Variants in FGD4 observed in about 807,000 individuals in gnomAD.
The protein encoded by FGD4 is FYVE, RhoGEF and PH domain-containing protein 4.
A neutral mutation model predicts 102.0 loss-of-function variants in FGD4; 42 were observed. The ratio of observed to expected loss-of-function variants is 0.41; its 90% CI spans 0.32 to 0.53. The LOEUF is 0.53. Ranked by LOEUF, FGD4 falls within the 20% of genes least tolerant of loss-of-function variation. The pLI, the probability that FGD4 is intolerant of heterozygous loss-of-function variation, is 0.21. For synonymous variants in FGD4, 380 were observed against 375.7 expected (o/e 1.01, Z -0.13); for missense variants, 902 against 1,078.2 (o/e 0.84, Z 2.29).
rs1294736903 is a variant in FGD4, at chr12:32,399,998, G to C, written c.166+39G>C. On this transcript the variant is annotated intron_variant, in intron 1 of 16. Coordinates refer to ENST00000534526, the MANE Select transcript of FGD4 (RefSeq NM_001370298.3). ...GGCGCGGGGGAAGGGTGGCCCCGGC[G>C]CGTAGGTGCGGGTGAGGGGCGCTCC... The C allele has an allele frequency of 6.3e-6, 9 of 1,425,028 alleles. No homozygotes were observed. In the African/African-American group the frequency reaches 1.2e-4, roughly 19 times the overall value. The allele number at this position is 1,425,028 out of a possible 1,614,324, so 88.3% of individuals were successfully genotyped here.
At position 32,576,435 on chromosome 12, in the gene FGD4, CT is replaced by C; in HGVS notation, c.492del (p.Phe164LeufsTer13). Reference protein sequence around the residue: ...PSKVSDLISRFEGGSSLSNYS... With the variant: ...PSKVSDLISRXEGGSSLSNYS... The stretch of plus-strand genomic sequence containing the variant: ...GTAAGGTATCAGATCTCATCAGTCG[CT>C]TTGAAGGAGGCAGGTAAGAGCTAAT... On this transcript the variant is annotated frameshift_variant, in exon 3 of 17. Transcript: ENST00000534526. LOFTEE classifies it high-confidence loss of function. The C allele has an allele frequency of 6.2e-7, 1 of 1,613,996 alleles. No homozygotes were observed. The highest frequency in any genetic ancestry group is 1.1e-5 in the South Asian group (1 of 91,080).
In FGD4 at chr12:32,474,709, A is replaced by G. The variant is rs187407897; in HGVS notation, c.166+74750A>G. On this transcript the variant is annotated intron_variant, in intron 1 of 16. Coordinates refer to ENST00000534526, the MANE Select transcript of FGD4 (RefSeq NM_001370298.3). ...TTGATTGCTTGAATCCAGGAGTTTG[A>G]GAATAGCCTGGACAACATGGCGAAA... Among the ~76,000 whole-genome samples, 3 of 152,204 alleles carry G rather than the reference A, an allele frequency of 2.0e-5. No homozygotes were observed. In the East Asian group the frequency reaches 5.8e-4, roughly 29 times the overall value.
intron 1 of FGD4, among the ~76,000 whole-genome samples, chr12:32,467,121 C>G (rs536304665): frequency 6.6e-6 from 1 of 152,112 alleles, no homozygotes; most frequent in African/African-American, 2.4e-5. Context: ...GAAACAGTTA[C>G]AAATGCAAAG....
chr12:32,553,824 G>C (rs1195757532), intron 1 of FGD4, among the ~76,000 whole-genome samples: 1 of 152,192 alleles, frequency 6.6e-6, no homozygotes, highest in Non-Finnish European at 1.5e-5. Context: ...ACAGAAACAT[G>C]CTGGGCATGG....
chr12:32,617,684 T>C (rs1324798031), intron 10 of FGD4, among the ~76,000 whole-genome samples: 1 of 152,238 alleles, frequency 6.6e-6, no homozygotes, highest in Middle Eastern at 3.2e-3. Flanking sequence ...GTCAATGTTC[T>C]TCATGCCATA....
chr12:32,612,010 C>T (rs1241933940), intron 10 of FGD4, among the ~76,000 whole-genome samples: 1 of 152,254 alleles, frequency 6.6e-6, no homozygotes, highest in Non-Finnish European at 1.5e-5. Context: ...GGAGCCAAGC[C>T]TAGGTGCTGT....
rs150983395 is a variant in FGD4, at chr12:32,525,539, A to G, written c.167-38598A>G. On this transcript the variant is annotated intron_variant, in intron 1 of 16. Coordinates refer to ENST00000534526, the MANE Select transcript of FGD4 (RefSeq NM_001370298.3). Reference sequence around the variant, plus strand: ...GTCCTCAGAGCCCTCGCTTGCTCTCAGCACCTCCCCTGCCTGGGCTCCCAC... The same window carrying G: ...GTCCTCAGAGCCCTCGCTTGCTCTCGGCACCTCCCCTGCCTGGGCTCCCAC... Among the ~76,000 whole-genome samples the G allele has an allele frequency of 7.4e-3, 1,124 of 152,362 alleles. 13 individuals are homozygous for G. The highest frequency in any genetic ancestry group is 0.025 in the African/African-American group (1,038 of 41,590).
At position 32,422,095 on chromosome 12, in the gene FGD4, A is replaced by C. The variant is rs10844201; in HGVS notation, c.166+22136A>C. ...GGAGGCTGAGCTTGCAGTGAGCCGAAATCATGCCACTACACTCCAGTGTGG... is the reference window on the plus strand; with the variant it reads ...GGAGGCTGAGCTTGCAGTGAGCCGACATCATGCCACTACACTCCAGTGTGG... On this transcript the variant is annotated intron_variant, in intron 1 of 16. Coordinates refer to ENST00000534526, the MANE Select transcript of FGD4 (RefSeq NM_001370298.3). Among the ~76,000 whole-genome samples the C allele has an allele frequency of 2.0e-3, 301 of 149,078 alleles. 3 individuals carry two copies. Among genetic ancestry groups the C allele is most frequent in the African/African-American group, 7.2e-3 (293 of 40,568 alleles).
intron 14 of FGD4, among the ~76,000 whole-genome samples, chr12:32,626,081 G>A (rs765012816): frequency 3.3e-5 from 5 of 152,204 alleles, no homozygotes; most frequent in Middle Eastern, 3.2e-3. Context: ...AACAGAGGAA[G>A]ATTTGGAACC....
At chr12:32,486,034 C>T in intron 1 of FGD4, 1 of 1,476,182 alleles carries the variant, frequency 6.8e-7, no homozygotes, top group Non-Finnish European at 8.9e-7. Context: ...ATACAGAATG[C>T]CTATAGTTTC....
At chr12:32,472,407 C>T (rs1377654577) in intron 1 of FGD4, among the ~76,000 whole-genome samples, 1 of 132,660 alleles carries the variant, frequency 7.5e-6, no homozygotes, top group African/African-American at 3.2e-5. Flanking sequence ...CCCTGCTGGC[C>T]CCGGGCAATG....
intron 4 of FGD4, among the ~76,000 whole-genome samples, chr12:32,584,746 A>G (rs1203262455): frequency 1.3e-5 from 2 of 152,206 alleles, no homozygotes; most frequent in Non-Finnish European, 2.9e-5. Flanking sequence ...CTTCTAAGAT[A>G]TAATGGAATA....
Position 32,644,468 on chromosome 12 carries a change from C to T in FGD4, c.*3935C>T, listed in dbSNP as rs1473803212. ...GTCTTTCCATAGAAATGAACTTTTT[C>T]TATCGAAATTGTTTAACTTAAATAT... is the stretch of plus-strand genomic sequence containing the variant. On this transcript the variant is annotated 3_prime_UTR_variant, in exon 17 of 17. Coordinates refer to ENST00000534526, the MANE Select transcript of FGD4 (RefSeq NM_001370298.3). The T allele has an allele frequency of 6.6e-6, 1 of 152,078 alleles. No homozygotes were observed. The highest frequency in any genetic ancestry group is 1.5e-5 in the Non-Finnish European group (1 of 67,988). The allele number at this position is 152,078 out of a possible 1,614,324, so 9.4% of individuals were successfully genotyped here.
At chr12:32,625,810 C>T in intron 14 of FGD4, 31 bp downstream of exon 14, 1 of 1,612,936 alleles carries the variant, frequency 6.2e-7, no homozygotes, top group Non-Finnish European at 8.5e-7. Context: ...ATTAAGGTTG[C>T]TAGTAACTAT....
Position 32,432,051 on chromosome 12 carries a change from A to T in FGD4, c.166+32092A>T, listed in dbSNP as rs1300087725. Among the ~76,000 whole-genome samples, 246 of 107,666 alleles carry T rather than the reference A, an allele frequency of 2.3e-3. 1 individual carries two copies. Among genetic ancestry groups the T allele is most frequent in the African/African-American group, 6.8e-3 (211 of 31,032 alleles). The allele number at this position is 107,666 out of a possible 152,430, so 70.6% of individuals were successfully genotyped here. On this transcript the variant is annotated intron_variant, in intron 1 of 16. Transcript: ENST00000534526. The stretch of plus-strand genomic sequence containing the variant: ...AGTGGCTCATGCCTGTAATCCTAGC[A>T]TTTTTTTTTTTTTTTTTTTTTTTTT...
Position 32,640,319 on chromosome 12 carries a change from T to G in FGD4, c.2498T>G (p.Val833Gly). The change falls in exon 17 of 17, where the codon GTG (valine) becomes GGG (glycine). Residue 833 changes from valine to glycine, a missense_variant. Physicochemically the swap from Val to Gly is moderately radical, Grantham distance 109. This residue lies in a region of FGD4 where 459 missense variants were observed against 619.0 expected (regional missense o/e 0.74). Coordinates refer to ENST00000534526, the MANE Select transcript of FGD4 (RefSeq NM_001370298.3). Reference sequence around the variant, plus strand: ...ACCATTCCACTTCTGGGCTATGTGGTGGATGAAATGCCAAGGAGCGCAGAC... The same window carrying G: ...ACCATTCCACTTCTGGGCTATGTGGGGGATGAAATGCCAAGGAGCGCAGAC... ...QATIPLLGYV[V>G]DEMPRSADLP... is the part of the protein sequence containing the mutation. The G allele has an allele frequency of 2.5e-6, 4 of 1,614,188 alleles. No individual in the cohort carries two copies. The highest frequency in any genetic ancestry group is 3.4e-6 in the Non-Finnish European group (4 of 1,180,030).
intron 1 of FGD4, among the ~76,000 whole-genome samples, chr12:32,488,973 TA>T (rs1166206130): frequency 1.3e-5 from 2 of 152,196 alleles, no homozygotes; most frequent in Non-Finnish European, 1.5e-5. Flanking sequence ...ACAGAACCTA[TA>T]TTTTATTCTC....
chr12:32,604,788 A>G (rs1948661487), intron 7 of FGD4, among the ~76,000 whole-genome samples: 4 of 152,244 alleles, frequency 2.6e-5, no homozygotes, highest in Admixed American at 2.6e-4. Flanking sequence ...AGGAGCAGCC[A>G]CAGGCTAGAA....
At chr12:32,563,637 G>GGCCAAGGCAGGCGGCT (rs1944897172) in intron 1 of FGD4, among the ~76,000 whole-genome samples, 1 of 152,318 alleles carries the variant, frequency 6.6e-6, no homozygotes, top group South Asian at 2.1e-4. Context: ...CACTTTGGGA[G>GGCCAAGGCAGGCGGCT]GCCAAGGCAG....
Sources: allele counts gnomAD v4.1 joint callset (sites outside exome capture counted in the v4.1 genomes callset), GRCh38; gene constraint gnomAD v4.1.1; regional missense constraint gnomAD v4.1.1; transcripts MANE v1.5; gene names NCBI Gene and HGNC (gene_info 2026-07-23, HGNC 2026-07-21).